Variants in CPO observed in about 807,000 individuals in gnomAD.
CPO encodes the protein carboxypeptidase O, also known as metallocarboxypeptidase C.
In CPO, 43 loss-of-function variants were observed where a neutral mutation model predicts 41.2. The ratio of observed to expected loss-of-function variants is 1.04; its 90% confidence interval spans 0.82 to 1.35. CPO has a LOEUF of 1.35. Among genes scored for constraint, CPO ranks in the 40% most tolerant of loss-of-function variants. The pLI is 0.00. For missense variants in CPO, 408 were observed against 451.7 expected (o/e 0.90, Z 0.88); for synonymous variants, 178 against 162.7 (o/e 1.09, Z -0.72).
chr2:206,965,390 G>A (rs560669493), intron 7 of CPO, among the ~76,000 whole-genome samples: 1 of 152,108 alleles, frequency 6.6e-6, no homozygotes, highest in South Asian at 2.1e-4. Flanking sequence ...CTATTTACAA[G>A]CCACAGAGAC....
intron 1 of CPO, among the ~76,000 whole-genome samples, chr2:206,943,011 T>C (rs143802566): frequency 3.3e-5 from 5 of 152,292 alleles, no homozygotes; most frequent in Middle Eastern, 6.8e-3. Flanking sequence ...TCACATTTTG[T>C]AGACATTGTA....
intron 8 of CPO, among the ~76,000 whole-genome samples, chr2:206,968,923 C>T (rs982577636): frequency 3.3e-5 from 5 of 152,194 alleles, no homozygotes; most frequent in African/African-American, 1.2e-4. Flanking sequence ...AGCTAAGAAA[C>T]TTTAGCCAAA....
At chr2:206,963,326 ATTTT>A (rs1373099637) in intron 7 of CPO, among the ~76,000 whole-genome samples, 1 of 152,156 alleles carries the variant, frequency 6.6e-6, no homozygotes, top group Non-Finnish European at 1.5e-5. Flanking sequence ...TTTTCCTTTT[ATTTT>A]TATTTTTTTT....
At chr2:206,962,099 CAAA>C (rs766647290) in intron 6 of CPO, among the ~76,000 whole-genome samples, 4 of 69,428 alleles carry the variant, frequency 5.8e-5, no homozygotes, top group African/African-American at 5.4e-5. Flanking sequence ...GACTCTGTCT[CAAA>C]AAAAAAAAAA....
In CPO at chr2:206,945,976, TA is replaced by T. The variant is rs11394129; in HGVS notation, c.69-3632del. Among the ~76,000 whole-genome samples, 425 of 150,540 alleles carry T rather than the reference TA, an allele frequency of 2.8e-3. 2 individuals are homozygous for T. Among genetic ancestry groups the T allele is most frequent in the Middle Eastern group, 6.8e-3 (2 of 292 alleles). On this transcript the variant is annotated intron_variant, in intron 1 of 8. Coordinates refer to ENST00000272852, the MANE Select transcript of CPO (RefSeq NM_173077.3). ...AATATTTAAAAAAATTTTTTTAAAT[TA>T]AAAAAAAAGATAGTTAATAATCTTC...
intron 2 of CPO, among the ~76,000 whole-genome samples, chr2:206,951,815 A>T (rs1033416356): frequency 6.6e-6 from 1 of 152,220 alleles, no homozygotes; most frequent in African/African-American, 2.4e-5. Context: ...TGAAATAAAC[A>T]CTACTACTGT....
At chr2:206,958,581 A>G (rs2105826158) in intron 4 of CPO, among the ~76,000 whole-genome samples, 176 bp downstream of exon 4, 1 of 152,278 alleles carries the variant, frequency 6.6e-6, no homozygotes, top group South Asian at 2.1e-4. Flanking sequence ...AACTGAATTA[A>G]TATTCTGATC....
intron 2 of CPO, among the ~76,000 whole-genome samples, chr2:206,950,740 C>A (rs1300408781): frequency 1.3e-5 from 2 of 152,148 alleles, no homozygotes; most frequent in East Asian, 3.9e-4. Flanking sequence ...GAATACTATG[C>A]AGCCATAAAA....
Position 206,962,547 on chromosome 2 carries a change from C to T in CPO, c.710C>T (p.Ser237Phe), listed in dbSNP as rs763265458. Residue 237 changes from serine to phenylalanine, a missense_variant, in exon 7 of 9, where the codon TCT becomes TTT. Physicochemically the swap from Ser to Phe is radical, Grantham distance 155. Coordinates refer to ENST00000272852, the MANE Select transcript of CPO (RefSeq NM_173077.3). ...ATTTTGTGCTTCCTGACCATGCACT[C>T]TTATGGGCAGTTAATTCTCACACCT... Reference protein sequence around the residue: ...DDILCFLTMHSYGQLILTPYG... With the variant: ...DDILCFLTMHFYGQLILTPYG... The T allele has an allele frequency of 6.2e-7, 1 of 1,614,152 alleles. No homozygotes were observed.
intron 7 of CPO, among the ~76,000 whole-genome samples, chr2:206,963,157 T>TG (rs1553512468): frequency 6.6e-6 from 1 of 151,816 alleles, no homozygotes; most frequent in African/African-American, 2.4e-5. Flanking sequence ...AGGGAAACTG[T>TG]TTGGTCTTAT....
At position 206,965,496 on chromosome 2, in the gene CPO, A is replaced by G. The variant is rs527920721; in HGVS notation, c.778-2767A>G. Among the ~76,000 whole-genome samples, 129 of 152,358 alleles carry G rather than the reference A, an allele frequency of 8.5e-4. 1 individual carries two copies. Among genetic ancestry groups the G allele is most frequent in the African/African-American group, 3.0e-3 (123 of 41,586 alleles). On this transcript the variant is annotated intron_variant, in intron 7 of 8. Transcript: ENST00000272852. ...ATAGACAGCTTGGCAATCACTGTGT[A>G]GGAGAAACATAACTATATATAGCCT... is the stretch of plus-strand genomic sequence containing the variant.
intron 3 of CPO, among the ~76,000 whole-genome samples, chr2:206,958,068 G>A (rs1259039978): frequency 6.6e-6 from 1 of 152,152 alleles, no homozygotes; most frequent in Non-Finnish European, 1.5e-5. Context: ...GGTACTATGG[G>A]GAGCCAGTGT....
At chr2:206,968,896 A>G (rs1383013237) in intron 8 of CPO, among the ~76,000 whole-genome samples, 6 of 152,232 alleles carry the variant, frequency 3.9e-5, no homozygotes, top group African/African-American at 1.4e-4. Flanking sequence ...TTAGGTTGCC[A>G]AGTCAGTCAG....
intron 2 of CPO, among the ~76,000 whole-genome samples, chr2:206,953,411 G>A (rs181311255): frequency 1.4e-4 from 21 of 152,364 alleles, no homozygotes; most frequent in East Asian, 3.9e-4. Flanking sequence ...AAGCAAGTCC[G>A]AAATCCAATA....
intron 1 of CPO, among the ~76,000 whole-genome samples, chr2:206,944,621 T>A (rs1346334744): frequency 1.3e-5 from 2 of 152,212 alleles, no homozygotes; most frequent in Admixed American, 1.3e-4. Flanking sequence ...ACTGAGATTG[T>A]CTTTTCATTT....
chr2:206,948,216 A>G (rs1693182474), intron 1 of CPO, among the ~76,000 whole-genome samples: 1 of 152,238 alleles, frequency 6.6e-6, no homozygotes, highest in Admixed American at 6.5e-5. Flanking sequence ...AAACTGTGGT[A>G]TATCCAGACA....
intron 1 of CPO, among the ~76,000 whole-genome samples, chr2:206,947,353 A>C (rs1374932003): frequency 6.6e-6 from 1 of 152,176 alleles, no homozygotes; most frequent in Non-Finnish European, 1.5e-5. Flanking sequence ...ATCCAAATGC[A>C]AAATAAGTAA....
intron 2 of CPO, 108 bp from the exon 3 acceptor site, chr2:206,955,355 A>T: frequency 1.3e-6 from 1 of 751,774 alleles, no homozygotes; most frequent in Non-Finnish European, 2.5e-6. Flanking sequence ...TGCAATCTAG[A>T]GCAAAGATAA....
chr2:206,948,975 C>G (rs1031513930), intron 1 of CPO, among the ~76,000 whole-genome samples: 2 of 151,384 alleles, frequency 1.3e-5, no homozygotes, highest in African/African-American at 4.9e-5. Context: ...GTGAGAATAG[C>G]AGGTAAATGG....
Sources: gnomAD v4.1 joint callset for allele counts (sites outside exome capture counted in the v4.1 genomes callset) on GRCh38, gnomAD v4.1.1 for gene constraint, MANE v1.5 for transcripts, NCBI Gene and HGNC (gene_info 2026-07-23, HGNC 2026-07-21) for gene names.